Variants in HSD17B12 observed in about 807,000 individuals in gnomAD.
The protein encoded by HSD17B12 is hydroxysteroid 17-beta dehydrogenase 12, also known as very-long-chain 3-oxoacyl-CoA reductase.
In HSD17B12, 32 loss-of-function variants were observed where a neutral mutation model predicts 39.3. The ratio of observed to expected loss-of-function variants is 0.81; its 90% CI spans 0.61 to 1.09. The LOEUF is 1.09. Ranked by LOEUF, HSD17B12 falls within the 50% of genes least tolerant of loss-of-function variation. The pLI, the probability that HSD17B12 is intolerant of heterozygous loss-of-function variation, is 0.00. For missense variants in HSD17B12, 342 were observed against 382.9 expected, an observed-to-expected ratio of 0.89 and a Z score of 0.89; for synonymous variants, 150 against 146.7, an observed-to-expected ratio of 1.02 and a Z score of -0.16.
chr11:43,673,569 T>C, the HSD17B12 span, among the ~76,000 whole-genome samples: 1 of 144,756 alleles, frequency 6.9e-6, no homozygotes, highest in Admixed American at 7.4e-5. Flanking sequence ...CTCAGCTCAC[T>C]GCATCCTCCG....
the HSD17B12 span, among the ~76,000 whole-genome samples, chr11:43,631,317 A>ATT: frequency 6.6e-6 from 1 of 152,188 alleles, no homozygotes; most frequent in Non-Finnish European, 1.5e-5. Context: ...CTTTATAAGT[A>ATT]TTTAATAAGA....
chr11:43,728,634 G>T (rs1590699356), intron 1 of HSD17B12, among the ~76,000 whole-genome samples: 1 of 152,224 alleles, frequency 6.6e-6, no homozygotes, highest in Middle Eastern at 3.4e-3. Flanking sequence ...CTGGGAATCG[G>T]ATTATTTATG....
At chr11:43,705,340 A>G (rs901772964) in intron 1 of HSD17B12, among the ~76,000 whole-genome samples, 6 of 152,250 alleles carry the variant, frequency 3.9e-5, no homozygotes, top group African/African-American at 1.2e-4. Flanking sequence ...TTTGAGAACT[A>G]TTAACAAATG....
At position 43,856,416 on chromosome 11, in the gene HSD17B12, A is replaced by C. The variant is rs2135157129; in HGVS notation, c.*1168A>C. On this transcript the variant is annotated 3_prime_UTR_variant, in exon 11 of 11. Coordinates refer to ENST00000278353, the MANE Select transcript of HSD17B12 (RefSeq NM_016142.3). The stretch of plus-strand genomic sequence containing the variant: ...AGTAGATTTGTATTAAAAGAAAAAA[A>C]AATGGGGCCTTAGCTTCTGGCTTTT... 1 of 152,360 alleles carries C rather than the reference A, an allele frequency of 6.6e-6. No individual in the cohort carries two copies. The highest frequency in any genetic ancestry group is 2.1e-4 in the South Asian group (1 of 4,824). The allele number at this position is 152,360 out of a possible 1,614,324, so 9.4% of individuals were successfully genotyped here.
At chr11:43,608,091 A>T in the HSD17B12 span, among the ~76,000 whole-genome samples, 11 of 152,230 alleles carry the variant, frequency 7.2e-5, no homozygotes, top group African/African-American at 2.7e-4. Context: ...AAATAAGGCC[A>T]GGTGCGGTGG....
intron 4 of HSD17B12, 68 bp downstream of exon 4, chr11:43,798,495 T>G: frequency 9.9e-7 from 1 of 1,008,156 alleles, no homozygotes; most frequent in South Asian, 1.4e-5. Context: ...CTTTGGATGT[T>G]AAGTGGTAAA....
the HSD17B12 span, chr11:43,644,545 T>C: frequency 1.3e-5 from 2 of 152,330 alleles, no homozygotes; most frequent in African/African-American, 4.8e-5. Flanking sequence ...GCATATGGGG[T>C]TGTGCTTTCT....
At chr11:43,716,244 G>A (rs1262003747) in intron 1 of HSD17B12, among the ~76,000 whole-genome samples, 1 of 152,128 alleles carries the variant, frequency 6.6e-6, no homozygotes, top group African/African-American at 2.4e-5. Flanking sequence ...CTGCAAAATG[G>A]AGGGACTGAT....
chr11:43,631,634 GCTCT>G, the HSD17B12 span, among the ~76,000 whole-genome samples: 1 of 118,038 alleles, frequency 8.5e-6, no homozygotes, highest in South Asian at 2.9e-4. Context: ...TCTGTCTGTC[GCTCT>G]CTGTCTCTCT....
rs758472282 is a variant in HSD17B12, at chr11:43,855,181, TG to T, written c.873del (p.Ile293Ter). Reference sequence around the variant, plus strand: ...TCAAACCTGCCTTCTTGGATTTATTTGAAAATAGTCATGAATATGAACAAGT... The same window carrying T: ...TCAAACCTGCCTTCTTGGATTTATTTAAAATAGTCATGAATATGAACAAGT... ...IISNLPSWIY[L>X]KIVMNMNKST... On this transcript the variant is annotated frameshift_variant, in exon 11 of 11. Transcript: ENST00000278353. LOFTEE classifies it low-confidence loss of function (END_TRUNC). 4.3e-6 allele frequency: 7 copies of T among 1,611,762 alleles called. No individual in the cohort carries two copies. The highest frequency in any genetic ancestry group is 5.9e-6 in the Non-Finnish European group (7 of 1,179,038).
At chr11:43,658,331 G>A in the HSD17B12 span, among the ~76,000 whole-genome samples, 2 of 152,022 alleles carry the variant, frequency 1.3e-5, no homozygotes, top group Non-Finnish European at 2.9e-5. Context: ...TTTGCCATTG[G>A]TTCGAACTTC....
At chr11:43,726,964 A>G (rs928168420) in intron 1 of HSD17B12, among the ~76,000 whole-genome samples, 5 of 152,212 alleles carry the variant, frequency 3.3e-5, no homozygotes, top group African/African-American at 9.7e-5. Context: ...TTAATTGGGA[A>G]AGTTTGCTTT....
the HSD17B12 span, among the ~76,000 whole-genome samples, chr11:43,634,006 G>A: frequency 1.7e-4 from 23 of 136,472 alleles, 1 homozygote; most frequent in East Asian, 4.0e-3. Flanking sequence ...CCCGGGAGGC[G>A]GAGGTTGCCG....
At chr11:43,668,173 A>G in the HSD17B12 span, among the ~76,000 whole-genome samples, 1 of 152,224 alleles carries the variant, frequency 6.6e-6, no homozygotes, top group East Asian at 1.9e-4. Flanking sequence ...TAGAATGCCA[A>G]CATGGATCTC....
At chr11:43,824,798 C>T (rs1244868404) in intron 6 of HSD17B12, among the ~76,000 whole-genome samples, 1 of 152,150 alleles carries the variant, frequency 6.6e-6, no homozygotes, top group Non-Finnish European at 1.5e-5. Context: ...GAGTTCAAGA[C>T]CAGCCTGGCC....
At chr11:43,617,371 G>A in the HSD17B12 span, among the ~76,000 whole-genome samples, 2 of 152,204 alleles carry the variant, frequency 1.3e-5, no homozygotes, top group South Asian at 2.1e-4. Context: ...TTCTGCTTCT[G>A]ACTTTGGGAT....
At chr11:43,790,884 C>T (rs1265816625) in intron 3 of HSD17B12, among the ~76,000 whole-genome samples, 2 of 152,020 alleles carry the variant, frequency 1.3e-5, no homozygotes, top group African/African-American at 4.8e-5. Context: ...ATCCCAGCTA[C>T]TCGGAAGGCT....
At chr11:43,601,865 C>T in the HSD17B12 span, among the ~76,000 whole-genome samples, 1 of 152,188 alleles carries the variant, frequency 6.6e-6, no homozygotes, top group Non-Finnish European at 1.5e-5. Context: ...AGTGAGAATT[C>T]TCAGGATTGG....
intron 1 of HSD17B12, among the ~76,000 whole-genome samples, chr11:43,724,967 G>C (rs1950208279): frequency 6.6e-6 from 1 of 152,098 alleles, no homozygotes; most frequent in South Asian, 2.1e-4. Flanking sequence ...GAGCAGGATT[G>C]GTATTCACTT....
Sources: allele counts gnomAD v4.1 joint callset (sites outside exome capture counted in the v4.1 genomes callset), GRCh38; gene constraint gnomAD v4.1.1; transcripts MANE v1.5; gene names NCBI Gene and HGNC (gene_info 2026-07-23, HGNC 2026-07-21).